The following ASAP1 variants were observed in gnomAD, a reference collection of about 807,000 sequenced individuals.
ASAP1 encodes arf-GAP with SH3 domain, ANK repeat and PH domain-containing protein 1.
ASAP1 carries 43 observed loss-of-function variants against 145.2 expected under a neutral mutation model. The ratio of observed to expected loss-of-function variants is 0.30; its 90% CI spans 0.23 to 0.38. The LOEUF is 0.38. Among genes scored for constraint, ASAP1 ranks in the 10% least tolerant of loss-of-function variants. The pLI is 1.00. For missense variants in ASAP1, 1,018 were observed against 1,355.3 expected, an observed-to-expected ratio of 0.75 and a Z score of 3.91; for synonymous variants, 546 against 515.5, an observed-to-expected ratio of 1.06 and a Z score of -0.80.
intron 2 of ASAP1, among the ~76,000 whole-genome samples, chr8:130,385,696 T>C (rs568181714): frequency 1.3e-5 from 2 of 152,330 alleles, no homozygotes; most frequent in East Asian, 1.9e-4. Flanking sequence ...TTCTGCCATG[T>C]TGCTGACATC....
chr8:130,305,575 G>A (rs1437294540), intron 3 of ASAP1, among the ~76,000 whole-genome samples: 1 of 152,092 alleles, frequency 6.6e-6, no homozygotes, highest in Admixed American at 6.5e-5. Flanking sequence ...TGTTGGCCAG[G>A]CTGGTCAGGT....
chr8:130,287,185 AT>A (rs1821666664), intron 3 of ASAP1, among the ~76,000 whole-genome samples: 1 of 138,186 alleles, frequency 7.2e-6, no homozygotes, highest in Non-Finnish European at 1.6e-5. Flanking sequence ...AACTTTACAC[AT>A]TTTTGTATAT....
intron 3 of ASAP1, among the ~76,000 whole-genome samples, chr8:130,267,727 G>A (rs1820344055): frequency 6.6e-6 from 1 of 152,198 alleles, no homozygotes; most frequent in Non-Finnish European, 1.5e-5. Context: ...CCATTGGGTA[G>A]AATATTTTCC....
intron 3 of ASAP1, among the ~76,000 whole-genome samples, chr8:130,262,652 G>A (rs1820008667): frequency 6.6e-6 from 1 of 151,896 alleles, no homozygotes; most frequent in South Asian, 2.1e-4. Context: ...ATCCATGTTG[G>A]GATAAAGGGT....
At position 130,327,262 on chromosome 8, in the gene ASAP1, C is replaced by T. The variant is rs568424385; in HGVS notation, c.186+30755G>A. ...GGCCCTGTCTGTCTTCCAATGGCTC[C>T]GCTCAAATAAGTCACTCATCCTCTC... On this transcript the variant is annotated intron_variant, in intron 3 of 29. Transcript: ENST00000518721. Among the ~76,000 whole-genome samples the T allele has an allele frequency of 6.6e-5, 10 of 152,270 alleles. 1 individual carries two copies. The highest frequency in any genetic ancestry group is 2.1e-4 in the South Asian group (1 of 4,824).
At chr8:130,377,883 A>G (rs909540101) in intron 2 of ASAP1, among the ~76,000 whole-genome samples, 4 of 152,024 alleles carry the variant, frequency 2.6e-5, no homozygotes, top group African/African-American at 9.6e-5. Context: ...ACTAATCTCT[A>G]TGGTCCCCCT....
intron 18 of ASAP1, among the ~76,000 whole-genome samples, chr8:130,122,373 A>T (rs2097567768): frequency 6.6e-6 from 1 of 152,234 alleles, no homozygotes; most frequent in Non-Finnish European, 1.5e-5. Context: ...ATGAGTGATC[A>T]AACTGCATGT....
chr8:130,052,415 T>A lies in ASAP1; in HGVS notation c.*2316A>T, dbSNP rs1338402917. The A allele has an allele frequency of 6.6e-6, 1 of 151,726 alleles. No individual in the cohort carries two copies. The highest frequency in any genetic ancestry group is 6.6e-5 in the Admixed American group (1 of 15,168). 9.4% of individuals were successfully genotyped at this position (151,726 alleles called of 1,614,324 possible). The stretch of plus-strand genomic sequence containing the variant: ...TGGGGGAAAAAGAACTAATTTGCTA[T>A]TTTTTTTTCATAAGGTTCCATATCT... On this transcript the variant is annotated 3_prime_UTR_variant, in exon 30 of 30. Transcript: ENST00000518721.
intron 3 of ASAP1, among the ~76,000 whole-genome samples, chr8:130,297,723 C>T (rs970403136): frequency 5.3e-5 from 8 of 151,996 alleles, no homozygotes; most frequent in Non-Finnish European, 5.9e-5. Context: ...GAAAACAAAG[C>T]GGGGGGGCGG....
In ASAP1 at chr8:130,052,735, G is replaced by GTTTTTTTTTTTTTTTTTTTT. The variant is rs5895032; in HGVS notation, c.*1995_*1996insAAAAAAAAAAAAAAAAAAAA. On this transcript the variant is annotated 3_prime_UTR_variant, in exon 30 of 30. Transcript: ENST00000518721. ...GCTTTTGTGTTTTTTTTTTGTTTTT[G>GTTTTTTTTTTTTTTTTTTTT]TTTTTTTTTTTTTTTTGAAAAAAAC... 3 of 122,136 alleles carry GTTTTTTTTTTTTTTTTTTTT rather than the reference G, an allele frequency of 2.5e-5. No homozygotes were observed. Among genetic ancestry groups the GTTTTTTTTTTTTTTTTTTTT allele is most frequent in the Admixed American group, 8.2e-5 (1 of 12,262 alleles). 7.6% of individuals were successfully genotyped at this position (122,136 alleles called of 1,614,324 possible).
chr8:130,107,254 C>G (rs1033052847), intron 24 of ASAP1, among the ~76,000 whole-genome samples: 2 of 147,656 alleles, frequency 1.4e-5, no homozygotes, highest in Admixed American at 1.4e-4. Context: ...ACAATCTCGG[C>G]TCACTGCAAG....
intron 3 of ASAP1, among the ~76,000 whole-genome samples, chr8:130,315,559 C>T (rs75351814): frequency 6.6e-6 from 1 of 152,174 alleles, no homozygotes; most frequent in East Asian, 1.9e-4. Flanking sequence ...GGAGAAGAGG[C>T]GAGTCTGAAT....
chr8:130,330,218 A>C (rs1218234231), intron 3 of ASAP1, among the ~76,000 whole-genome samples: 3 of 152,218 alleles, frequency 2.0e-5, no homozygotes, highest in Non-Finnish European at 4.4e-5. Context: ...TAAGCATGAA[A>C]CCGTACTACC....
chr8:130,146,220 C>T (rs2097629852), intron 13 of ASAP1, among the ~76,000 whole-genome samples: 1 of 152,036 alleles, frequency 6.6e-6, no homozygotes, highest in Non-Finnish European at 1.5e-5. Context: ...TGTCAAACTG[C>T]AGGTTCCTTG....
intron 4 of ASAP1, among the ~76,000 whole-genome samples, chr8:130,235,925 C>G (rs1190339148): frequency 6.6e-6 from 1 of 152,118 alleles, no homozygotes; most frequent in African/African-American, 2.4e-5. Context: ...CTCCCATAAC[C>G]TGGCAGACCC....
At chr8:130,271,480 G>C (rs1466012149) in intron 3 of ASAP1, among the ~76,000 whole-genome samples, 1 of 152,206 alleles carries the variant, frequency 6.6e-6, no homozygotes, top group African/African-American at 2.4e-5. Context: ...AGGAAAAGGA[G>C]AGTAGGAAGT....
Position 130,178,502 on chromosome 8 carries a change from A to C in ASAP1, c.746+762T>G, listed in dbSNP as rs191052009. 8.7e-4 allele frequency among the ~76,000 whole-genome samples: 132 copies of C among 152,370 alleles called. 1 individual carries two copies. The highest frequency in any genetic ancestry group is 3.1e-3 in the African/African-American group (129 of 41,586). On this transcript the variant is annotated intron_variant, in intron 9 of 29. Coordinates refer to ENST00000518721, the MANE Select transcript of ASAP1 (RefSeq NM_018482.4). The stretch of plus-strand genomic sequence containing the variant: ...GTGTAGAACAATGGTATTTCTCAAA[A>C]TGTAACACAAATTATATAGGAATCC...
At chr8:130,196,345 A>C (rs563477664) in intron 5 of ASAP1, among the ~76,000 whole-genome samples, 87 of 151,508 alleles carry the variant, frequency 5.7e-4, no homozygotes, top group Non-Finnish European at 9.9e-4. Flanking sequence ...TCCATCTCAA[A>C]AAAAAAAAAA....
chr8:130,133,218 T>C (rs1238724101), intron 15 of ASAP1, among the ~76,000 whole-genome samples: 1 of 151,958 alleles, frequency 6.6e-6, no homozygotes, highest in Non-Finnish European at 1.5e-5. Flanking sequence ...AGCTGAGATT[T>C]ATAATAGTCA....
Sources: allele counts gnomAD v4.1 joint callset (sites outside exome capture counted in the v4.1 genomes callset), GRCh38; gene constraint gnomAD v4.1.1; transcripts MANE v1.5; gene names NCBI Gene and HGNC (gene_info 2026-07-23, HGNC 2026-07-21).